The following GRIK2 variants were observed in gnomAD, a reference collection of about 807,000 sequenced individuals.
GRIK2 encodes glutamate ionotropic receptor kainate type subunit 2.
GRIK2 carries 32 observed loss-of-function variants against 100.3 expected under a neutral mutation model. That is an observed-to-expected ratio of 0.32 (90% CI 0.24 to 0.43). The LOEUF (loss-of-function observed/expected upper bound fraction) is 0.43, where lower values mean the gene tolerates loss of function less well. Among genes scored for constraint, GRIK2 ranks in the 20% least tolerant of loss-of-function variants. The probability of loss-of-function intolerance (pLI) is 1.00; values close to 1 mark genes in which losing one functional copy is unlikely to be tolerated. For synonymous variants in GRIK2, 417 were observed against 389.4 expected (o/e 1.07, Z -0.83); for missense variants, 843 against 1,114.9 (o/e 0.76, Z 3.47).
intron 14 of GRIK2, among the ~76,000 whole-genome samples, chr6:101,935,098 G>A (rs1195252476): frequency 6.6e-6 from 1 of 151,924 alleles, no homozygotes; most frequent in Non-Finnish European, 1.5e-5. Context: ...TAGAAATCAG[G>A]TTATGTCTTT....
At chr6:101,686,095 A>C (rs1160133686) in intron 6 of GRIK2, 85 bp from the exon 7 acceptor site, 1 of 1,166,938 alleles carries the variant, frequency 8.6e-7, no homozygotes, top group Non-Finnish European at 1.2e-6. Flanking sequence ...GACCTAAAAA[A>C]AACAAAAAAA....
intron 7 of GRIK2, among the ~76,000 whole-genome samples, chr6:101,711,195 T>A (rs1033596181): frequency 6.6e-6 from 1 of 151,872 alleles, no homozygotes; most frequent in Non-Finnish European, 1.5e-5. Context: ...TTTTAGAAGA[T>A]AAACTCTGAA....
chr6:101,686,567 G>A (rs769499846), intron 7 of GRIK2, among the ~76,000 whole-genome samples: 2 of 152,032 alleles, frequency 1.3e-5, no homozygotes, highest in Non-Finnish European at 2.9e-5. Flanking sequence ...TATCTCAAAA[G>A]GCATTACAAC....
intron 7 of GRIK2, among the ~76,000 whole-genome samples, chr6:101,781,440 G>A (rs1036034871): frequency 1.3e-4 from 20 of 151,978 alleles, no homozygotes; most frequent in Admixed American, 1.3e-4. Context: ...TGTATTTGGG[G>A]GTATACTATC....
In GRIK2 at chr6:101,794,400, T is replaced by TA. The variant is rs1475648925; in HGVS notation, c.952-5241dup. 7.9e-5 allele frequency among the ~76,000 whole-genome samples: 12 copies of TA among 152,270 alleles called. No individual in the cohort carries two copies. In the East Asian group the frequency reaches 1.5e-3, roughly 20 times the overall value. ...TGTAGGCAGTATATAGTTGGGTCAT[T>TA]AAAAAAATCCATTCAGCTAGTCATA... On this transcript the variant is annotated intron_variant, in intron 7 of 16. Transcript: ENST00000369134.
At chr6:101,464,548 C>T (rs1314203216) in intron 2 of GRIK2, among the ~76,000 whole-genome samples, 3 of 102,922 alleles carry the variant, frequency 2.9e-5, no homozygotes, top group Admixed American at 1.6e-4. Flanking sequence ...GACAGAGTCT[C>T]ACTCTGTCGC....
At chr6:101,885,761 T>C (rs192282567) in intron 11 of GRIK2, among the ~76,000 whole-genome samples, 1 of 152,120 alleles carries the variant, frequency 6.6e-6, no homozygotes, top group Non-Finnish European at 1.5e-5. Context: ...AATTTATTTT[T>C]TAGTGAAATT....
rs1562364928 is a variant in GRIK2 at position 101,760,726 on chromosome 6, T to TATATAATTATATATTTAATTA, written c.952-38922_952-38921insATATAATTATATATTTAATTA. Among the ~76,000 whole-genome samples the TATATAATTATATATTTAATTA allele has an allele frequency of 4.5e-4, 35 of 77,018 alleles. 2 individuals are homozygous for TATATAATTATATATTTAATTA. Among genetic ancestry groups the TATATAATTATATATTTAATTA allele is most frequent in the African/African-American group, 2.9e-3 (34 of 11,630 alleles). 50.5% of individuals were successfully genotyped at this position (77,018 alleles called of 152,430 possible). A position where few individuals can be genotyped will look rare whatever the true frequency, so the allele number is the denominator to read the frequency against. On this transcript the variant is annotated intron_variant, in intron 7 of 16. Transcript: ENST00000369134. ...TAATTATATATTTAATTATATTTAA[T>TATATAATTATATATTTAATTA]TATATAATTATATATTTAATTATAT... is the stretch of plus-strand genomic sequence containing the variant.
intron 7 of GRIK2, among the ~76,000 whole-genome samples, chr6:101,740,999 G>A (rs1241557413): frequency 6.6e-6 from 1 of 152,056 alleles, no homozygotes; most frequent in African/African-American, 2.4e-5. Context: ...CCTGACATCT[G>A]CAAATTTAAT....
At chr6:101,667,117 T>C (rs748886646) in intron 4 of GRIK2, among the ~76,000 whole-genome samples, 1 of 152,194 alleles carries the variant, frequency 6.6e-6, no homozygotes, top group Admixed American at 6.6e-5. Flanking sequence ...ATGCCACTTA[T>C]ATGATTCTAA....
At chr6:102,016,059 A>C (rs13211215) in intron 14 of GRIK2, among the ~76,000 whole-genome samples, 41,232 of 151,986 alleles carry the variant, frequency 0.27, 5,978 homozygotes, top group East Asian at 0.34. Context: ...TGAGAAAAAA[A>C]CAGCACAAGA....
rs548472784 is a variant in GRIK2 at position 101,821,362 on chromosome 6, C to T, written c.1317+2879C>T. The stretch of plus-strand genomic sequence containing the variant: ...AAAGCTTTAATAAATACACTAATGC[C>T]TAAAACGTACCCCATACCATTTGAA... On this transcript the variant is annotated intron_variant, in intron 10 of 16. Coordinates refer to ENST00000369134, the MANE Select transcript of GRIK2 (RefSeq NM_021956.5). 1.3e-3 allele frequency among the ~76,000 whole-genome samples: 192 copies of T among 152,200 alleles called. 1 individual carries two copies. The highest frequency in any genetic ancestry group is 3.6e-3 in the African/African-American group (149 of 41,554).
intron 7 of GRIK2, among the ~76,000 whole-genome samples, chr6:101,726,560 G>A (rs139522763): frequency 1.3e-3 from 190 of 151,960 alleles, no homozygotes; most frequent in African/African-American, 4.2e-3. Flanking sequence ...CAGTTATATC[G>A]ATGATTAGAG....
At chr6:101,761,279 A>G (rs1381936673) in intron 7 of GRIK2, among the ~76,000 whole-genome samples, 1 of 152,144 alleles carries the variant, frequency 6.6e-6, no homozygotes, top group East Asian at 1.9e-4. Flanking sequence ...GGTGCTGAGC[A>G]ATAATAAAGG....
At chr6:102,030,480 G>T (rs1010966660) in intron 14 of GRIK2, among the ~76,000 whole-genome samples, 3 of 150,118 alleles carry the variant, frequency 2.0e-5, no homozygotes, top group African/African-American at 7.3e-5. Flanking sequence ...AATCCACTTT[G>T]ATGTGACTTC....
At chr6:101,774,926 G>T (rs1778650018) in intron 7 of GRIK2, among the ~76,000 whole-genome samples, 1 of 152,010 alleles carries the variant, frequency 6.6e-6, no homozygotes, top group Non-Finnish European at 1.5e-5. Context: ...TGGGAAAAAG[G>T]CAAAGTAGTC....
intron 7 of GRIK2, among the ~76,000 whole-genome samples, chr6:101,795,615 A>T (rs920505794): frequency 6.6e-6 from 1 of 152,176 alleles, no homozygotes; most frequent in African/African-American, 2.4e-5. Context: ...AGCAGTAGTG[A>T]TGGTGGGACC....
At chr6:101,808,179 TC>T (rs559514013) in intron 9 of GRIK2, among the ~76,000 whole-genome samples, 62 of 152,090 alleles carry the variant, frequency 4.1e-4, no homozygotes, top group Admixed American at 3.9e-3. Flanking sequence ...TTCAGGAAGA[TC>T]TTAGACTGTA....
At chr6:101,404,361 TATG>T (rs1775491217) in intron 2 of GRIK2, among the ~76,000 whole-genome samples, 1 of 152,262 alleles carries the variant, frequency 6.6e-6, no homozygotes, top group Non-Finnish European at 1.5e-5. Context: ...AAGTGTTGTC[TATG>T]ATAACAATGA....
Sources: gnomAD v4.1 joint callset for allele counts (sites outside exome capture counted in the v4.1 genomes callset) on GRCh38, gnomAD v4.1.1 for gene constraint, MANE v1.5 for transcripts, NCBI Gene and HGNC (gene_info 2026-07-23, HGNC 2026-07-21) for gene names.